Variants in NKAIN2 observed in about 807,000 individuals in gnomAD.
NKAIN2 encodes sodium/potassium-transporting ATPase subunit beta-1-interacting protein 2.
NKAIN2 carries 14 observed loss-of-function variants against 32.6 expected under a neutral mutation model. The ratio of observed to expected loss-of-function variants is 0.43; its 90% CI spans 0.28 to 0.67. The LOEUF (loss-of-function observed/expected upper bound fraction) is 0.67, where lower values mean the gene tolerates loss of function less well. NKAIN2 is among the 30% of genes least tolerant of loss of function. The probability of loss-of-function intolerance (pLI) is 0.17; values close to 1 mark genes in which losing one functional copy is unlikely to be tolerated. For synonymous variants in NKAIN2, 80 were observed against 87.2 expected, an observed-to-expected ratio of 0.92 and a Z score of 0.46; for missense variants, 198 against 258.3, an observed-to-expected ratio of 0.77 and a Z score of 1.60.
intron 1 of NKAIN2, among the ~76,000 whole-genome samples, chr6:123,994,438 A>G (rs1562297539): frequency 2.0e-5 from 3 of 152,092 alleles, no homozygotes; most frequent in Admixed American, 1.3e-4. Context: ...GAAGAGTAGG[A>G]TTAGAAAGTC....
At chr6:124,622,730 G>A (rs1473887258) in intron 3 of NKAIN2, among the ~76,000 whole-genome samples, 4 of 152,230 alleles carry the variant, frequency 2.6e-5, no homozygotes, top group South Asian at 2.1e-4. Flanking sequence ...GTCTTCCCCC[G>A]GAGTTGAGCC....
intron 1 of NKAIN2, among the ~76,000 whole-genome samples, chr6:124,050,601 C>T (rs1335780070): frequency 6.6e-6 from 1 of 151,908 alleles, no homozygotes; most frequent in African/African-American, 2.4e-5. Flanking sequence ...TTATATATCC[C>T]GACTTACCCC....
At chr6:124,288,583 T>C (rs965841790) in intron 2 of NKAIN2, among the ~76,000 whole-genome samples, 6 of 152,166 alleles carry the variant, frequency 3.9e-5, no homozygotes, top group African/African-American at 1.2e-4. Flanking sequence ...CTAGTAACAG[T>C]GAATTAGAAT....
chr6:124,114,798 TA>T (rs1234675344), intron 1 of NKAIN2, among the ~76,000 whole-genome samples: 1 of 152,168 alleles, frequency 6.6e-6, no homozygotes, highest in Non-Finnish European at 1.5e-5. Flanking sequence ...AGGATTCTGC[TA>T]CATTCTTAGG....
chr6:124,661,285 C>G (rs1364670011), intron 4 of NKAIN2, among the ~76,000 whole-genome samples: 1 of 152,210 alleles, frequency 6.6e-6, no homozygotes, highest in Non-Finnish European at 1.5e-5. Context: ...TCACTGTTTT[C>G]ATCCAAGTCT....
chr6:124,197,271 C>CT (rs914103026), intron 1 of NKAIN2, among the ~76,000 whole-genome samples: 2 of 151,178 alleles, frequency 1.3e-5, no homozygotes, highest in Admixed American at 6.6e-5. Flanking sequence ...AATCTTTCTT[C>CT]TTTTTTTTTC....
intron 3 of NKAIN2, among the ~76,000 whole-genome samples, chr6:124,484,759 T>C (rs1313203777): frequency 6.6e-6 from 1 of 152,106 alleles, no homozygotes; most frequent in East Asian, 1.9e-4. Flanking sequence ...AAATACATAC[T>C]TGTAAACATG....
At chr6:124,132,420 T>TC (rs1182599522) in intron 1 of NKAIN2, among the ~76,000 whole-genome samples, 2 of 152,216 alleles carry the variant, frequency 1.3e-5, no homozygotes, top group East Asian at 3.8e-4. Context: ...CTGGGTAACT[T>TC]AGGGCAACCT....
intron 3 of NKAIN2, among the ~76,000 whole-genome samples, chr6:124,550,112 A>G (rs1347439346): frequency 6.6e-6 from 1 of 152,236 alleles, no homozygotes. Context: ...TTCATTATAC[A>G]TTTCTTACTT....
At chr6:124,239,592 C>G (rs1293199283) in intron 1 of NKAIN2, among the ~76,000 whole-genome samples, 1 of 152,150 alleles carries the variant, frequency 6.6e-6, no homozygotes, top group Non-Finnish European at 1.5e-5. Context: ...TTAAGAAACT[C>G]ACTCAACACC....
intron 4 of NKAIN2, among the ~76,000 whole-genome samples, chr6:124,778,823 A>G (rs1185406444): frequency 1.3e-5 from 2 of 152,164 alleles, no homozygotes; most frequent in African/African-American, 2.4e-5. Flanking sequence ...GAGCCAATTA[A>G]TACATATACT....
At chr6:124,190,352 A>G (rs1007719717) in intron 1 of NKAIN2, among the ~76,000 whole-genome samples, 1 of 152,236 alleles carries the variant, frequency 6.6e-6, no homozygotes, top group Non-Finnish European at 1.5e-5. Context: ...TAACCATTCA[A>G]ATGAAAAGTG....
At chr6:124,166,261 T>C (rs1431600378) in intron 1 of NKAIN2, among the ~76,000 whole-genome samples, 2 of 150,256 alleles carry the variant, frequency 1.3e-5, no homozygotes, top group Admixed American at 6.6e-5. Flanking sequence ...ATTTCTCTGA[T>C]GGCCAGTGAT....
At chr6:123,994,873 A>G (rs529342725) in intron 1 of NKAIN2, among the ~76,000 whole-genome samples, 1 of 152,314 alleles carries the variant, frequency 6.6e-6, no homozygotes, top group East Asian at 1.9e-4. Context: ...CTTTGGCATC[A>G]TAACAACATC....
intron 1 of NKAIN2, among the ~76,000 whole-genome samples, chr6:123,846,844 GCACA>G (rs34106417): frequency 6.6e-5 from 10 of 150,624 alleles, no homozygotes; most frequent in African/African-American, 1.7e-4. Context: ...ACGCACGCGC[GCACA>G]CACACACACA....
At chr6:124,272,724 G>T (rs370858035) in intron 1 of NKAIN2, among the ~76,000 whole-genome samples, 1 of 152,150 alleles carries the variant, frequency 6.6e-6, no homozygotes, top group South Asian at 2.1e-4. Context: ...AGCCACAGGC[G>T]CTCAATGCCA....
chr6:124,088,781 A>G (rs528465105), intron 1 of NKAIN2, among the ~76,000 whole-genome samples: 3 of 152,210 alleles, frequency 2.0e-5, no homozygotes, highest in Non-Finnish European at 4.4e-5. Flanking sequence ...TTTGTTTTAC[A>G]AAAGCATCTA....
chr6:124,073,470 CA>C (rs1253709238), intron 1 of NKAIN2, among the ~76,000 whole-genome samples: 31 of 152,210 alleles, frequency 2.0e-4, no homozygotes, highest in African/African-American at 7.2e-4. Flanking sequence ...GTGCTAGGAA[CA>C]ATTTGCTGAG....
intron 1 of NKAIN2, among the ~76,000 whole-genome samples, chr6:124,038,819 T>C (rs748004203): frequency 6.6e-6 from 1 of 152,156 alleles, no homozygotes; most frequent in Non-Finnish European, 1.5e-5. Context: ...CCTTTGTTAG[T>C]ACTGTTTCCA....
Sources: allele counts gnomAD v4.1 joint callset (sites outside exome capture counted in the v4.1 genomes callset), GRCh38; gene constraint gnomAD v4.1.1; transcripts MANE v1.5; gene names NCBI Gene and HGNC (gene_info 2026-07-23, HGNC 2026-07-21).